Variants in SPIN2A observed in about 807,000 individuals in gnomAD.
The protein encoded by SPIN2A is spindlin family member 2A, also known as spindlin-2A.
Under a neutral mutation model 9.2 loss-of-function variants are expected in SPIN2A, and 4 were observed. The observed-to-expected ratio is 0.44, with a 90% CI of 0.21 to 1.00. The LOEUF (loss-of-function observed/expected upper bound fraction) is 1.00, where lower values mean the gene tolerates loss of function less well. Ranked by LOEUF, SPIN2A falls within the 50% of genes least tolerant of loss-of-function variation. The pLI, the probability that SPIN2A is intolerant of heterozygous loss-of-function variation, is 0.26. For synonymous variants in SPIN2A, 25 were observed against 61.2 expected, an observed-to-expected ratio of 0.41 and a Z score of 2.76; for missense variants, 77 against 172.8, an observed-to-expected ratio of 0.45 and a Z score of 3.11.
At position 57,136,322 on chromosome X, in the gene SPIN2A, A is replaced by G; in HGVS notation, c.276T>C (p.Cys92=). 8 of 1,148,287 alleles carry G rather than the reference A, an allele frequency of 7.0e-6. No homozygotes were observed. 94.6% of individuals were successfully genotyped at this position (1,148,287 alleles called of 1,213,427 possible). The change falls in exon 2 of 2, where the codon TGT becomes TGC. Residue 92 remains cysteine (C), a synonymous_variant. Transcript: ENST00000374906. ...CTCTGTGAAGTTCCAGTCCATAGAC[A>G]CAGTCAATTCCATCATATTTCACCA... ...LYLVKYDGID[C]VYGLELHRDE...
chrX:57,135,608 A>G, downstream of SPIN2A: 1 of 814,930 alleles, frequency 1.2e-6, no homozygotes, highest in Non-Finnish European at 1.7e-6. Context: ...TACCAAACAC[A>G]CCCGAACTTT....
At chrX:57,134,532 C>T (rs1460890446), downstream of SPIN2A, 7 of 111,429 alleles carry the variant, frequency 6.3e-5, no homozygotes, top group East Asian at 2.8e-4. Flanking sequence ...CCCATACCCT[C>T]GAGAGAAACA....
chrX:57,138,243 C>G (rs1218986570), upstream of SPIN2A, among the ~76,000 whole-genome samples: 1 of 110,796 alleles, frequency 9.0e-6, no homozygotes. Context: ...TCACAGTATC[C>G]TATAATTCTG....
At position 57,137,082 on chromosome X, in the gene SPIN2A, C is replaced by T. The variant is rs1336035991; in HGVS notation, c.-6+178G>A. ...CTTGTCTGGCTCCTATTCCTACCCC[C>T]TTTCCCTGTCGTCCACCGCACTCCC... On this transcript the variant is annotated intron_variant, in intron 1 of 1. Coordinates refer to ENST00000374906, the MANE Select transcript of SPIN2A (RefSeq NM_019003.5). 6.3e-6 allele frequency: 5 copies of T among 788,892 alleles called. No homozygotes were observed. The African/African-American group carries it at 9.1e-5, about 14-fold the overall frequency. 65.0% of individuals were successfully genotyped at this position (788,892 alleles called of 1,213,427 possible).
chrX:57,142,811 A>G, the SPIN2A span, among the ~76,000 whole-genome samples: 2 of 111,624 alleles, frequency 1.8e-5, no homozygotes, highest in Admixed American at 9.5e-5. Context: ...ATATATTTAC[A>G]ATTATTATAT....
chrX:57,143,564 C>T, the SPIN2A span, among the ~76,000 whole-genome samples: 3 of 110,454 alleles, frequency 2.7e-5, no homozygotes, highest in Admixed American at 9.7e-5. Context: ...GCAACCTCTG[C>T]CCCCCAGGCT....
chrX:57,139,143 A>C (rs1375905058), upstream of SPIN2A, among the ~76,000 whole-genome samples: 1 of 112,058 alleles, frequency 8.9e-6, no homozygotes, highest in African/African-American at 3.2e-5. Context: ...CAATGTCCTG[A>C]AGCTTTTTCC....
At chrX:57,137,939 T>C (rs778626784), upstream of SPIN2A, among the ~76,000 whole-genome samples, 1 of 111,516 alleles carries the variant, frequency 9.0e-6, no homozygotes, top group Non-Finnish European at 1.9e-5. Context: ...GTTCCAGAAA[T>C]TCCTATCCAT....
In SPIN2A at chrX:57,135,657, T is replaced by A. The variant is rs950578954; in HGVS notation, c.*164A>T. ...GGGCTTACAGACAGCATGTCATGTATTCACAAATTTGTATTTTTTAGAGCA... is the reference window on the plus strand; with the variant it reads ...GGGCTTACAGACAGCATGTCATGTAATCACAAATTTGTATTTTTTAGAGCA... On this transcript the variant is annotated 3_prime_UTR_variant, in exon 2 of 2. Coordinates refer to ENST00000374906, the MANE Select transcript of SPIN2A (RefSeq NM_019003.5). The A allele has an allele frequency of 2.1e-5, 22 of 1,055,014 alleles. No homozygotes were observed. The Admixed American group carries it at 8.4e-4, about 40-fold the overall frequency. The allele number at this position is 1,055,014 out of a possible 1,213,427, so 86.9% of individuals were successfully genotyped here.
At chrX:57,143,297 G>A in the SPIN2A span, among the ~76,000 whole-genome samples, 1 of 110,040 alleles carries the variant, frequency 9.1e-6, no homozygotes, top group African/African-American at 3.3e-5. Flanking sequence ...TCATGGATAC[G>A]AGGAGACTTG....
At chrX:57,135,385 A>C, downstream of SPIN2A, 1 of 158,627 alleles carries the variant, frequency 6.3e-6, no homozygotes, top group Non-Finnish European at 1.2e-5. Flanking sequence ...CCCCTCCCCC[A>C]AGGAGCCCCT....
At position 57,135,672 on chromosome X, in the gene SPIN2A, T is replaced by A; in HGVS notation, c.*149A>T. The A allele has an allele frequency of 2.8e-6, 3 of 1,084,366 alleles. No individual in the cohort carries two copies. Among genetic ancestry groups the A allele is most frequent in the Non-Finnish European group, 3.6e-6 (3 of 827,382 alleles). 89.4% of individuals were successfully genotyped at this position (1,084,366 alleles called of 1,213,427 possible). ...ATGTCATGTATTCACAAATTTGTAT[T>A]TTTTAGAGCAAAACAACAGTTAATG... On this transcript the variant is annotated 3_prime_UTR_variant, in exon 2 of 2. Coordinates refer to ENST00000374906, the MANE Select transcript of SPIN2A (RefSeq NM_019003.5).
chrX:57,140,964 C>G (rs1378421893), upstream of SPIN2A, among the ~76,000 whole-genome samples: 2 of 111,758 alleles, frequency 1.8e-5, no homozygotes, highest in Non-Finnish European at 3.8e-5. Context: ...ACATGTACCC[C>G]ATGAAACTAA....
chrX:57,134,438 G>GC (rs1927615914), downstream of SPIN2A: 2 of 111,262 alleles, frequency 1.8e-5, no homozygotes, highest in Non-Finnish European at 3.8e-5. Flanking sequence ...TCTTGGGACA[G>GC]CAGGTTTCTT....
upstream of SPIN2A, among the ~76,000 whole-genome samples, chrX:57,141,059 G>A (rs1927989889): frequency 8.9e-6 from 1 of 112,098 alleles, no homozygotes; most frequent in African/African-American, 3.2e-5. Flanking sequence ...CATTTCATAT[G>A]ATGCTAGCTG....
upstream of SPIN2A, among the ~76,000 whole-genome samples, chrX:57,141,957 C>A (rs1038723941): frequency 1.8e-5 from 2 of 110,126 alleles, no homozygotes; most frequent in Non-Finnish European, 3.8e-5. Context: ...CCTTGCCCCC[C>A]ACACCCCGGT....
At chrX:57,142,284 A>G (rs1364901279), upstream of SPIN2A, among the ~76,000 whole-genome samples, 3 of 111,410 alleles carry the variant, frequency 2.7e-5, no homozygotes, top group African/African-American at 9.8e-5. Flanking sequence ...TGTGTTCTGT[A>G]GGTTTTGGTA....
chrX:57,140,698 G>A (rs1927979413), upstream of SPIN2A, among the ~76,000 whole-genome samples: 1 of 111,026 alleles, frequency 9.0e-6, no homozygotes, highest in South Asian at 3.8e-4. Context: ...TGCAGCTGAA[G>A]GCTATTATCC....
upstream of SPIN2A, chrX:57,137,615 T>G: frequency 1.8e-5 from 2 of 113,704 alleles, no homozygotes; most frequent in Non-Finnish European, 1.9e-5. Flanking sequence ...TTGGGGCCCC[T>G]CCTGGGCTCC....
Sources: gnomAD v4.1 joint callset for allele counts (sites outside exome capture counted in the v4.1 genomes callset) on GRCh38, gnomAD v4.1.1 for gene constraint, MANE v1.5 for transcripts, NCBI Gene and HGNC (gene_info 2026-07-23, HGNC 2026-07-21) for gene names.